Variants in ZFAT observed in about 807,000 individuals in gnomAD.
The protein encoded by ZFAT is zinc finger and AT-hook domain containing.
Under a neutral mutation model 117.7 loss-of-function variants are expected in ZFAT, and 64 were observed. That is an observed-to-expected ratio of 0.54 (90% CI 0.44 to 0.67). The LOEUF is 0.67. Among genes scored for constraint, ZFAT ranks in the 30% least tolerant of loss-of-function variants. The pLI, the probability that ZFAT is intolerant of heterozygous loss-of-function variation, is 0.00. For synonymous variants in ZFAT, 679 were observed against 615.0 expected (o/e 1.10, Z -1.54); for missense variants, 1,433 against 1,584.5 (o/e 0.90, Z 1.62).
At chr8:134,725,105 G>C in the ZFAT span, among the ~76,000 whole-genome samples, 4 of 152,198 alleles carry the variant, frequency 2.6e-5, no homozygotes, top group East Asian at 1.9e-4. Context: ...CACAGAGAAG[G>C]CTTCCCCAAC....
intron 15 of ZFAT, among the ~76,000 whole-genome samples, chr8:134,500,453 CAG>C (rs1238281486): frequency 6.6e-6 from 1 of 152,176 alleles, no homozygotes; most frequent in East Asian, 1.9e-4. Context: ...CATAATGAAA[CAG>C]AGAATAACCT....
intron 1 of ZFAT, among the ~76,000 whole-genome samples, chr8:134,678,913 C>A (rs908037731): frequency 5.3e-5 from 8 of 152,308 alleles, no homozygotes; most frequent in Non-Finnish European, 1.2e-4. Flanking sequence ...TGGATCCCTT[C>A]CTTACACCTT....
At chr8:134,680,706 T>C (rs1437101868) in intron 1 of ZFAT, among the ~76,000 whole-genome samples, 2 of 152,320 alleles carry the variant, frequency 1.3e-5, no homozygotes, top group East Asian at 3.9e-4. Context: ...AAGATGTAAC[T>C]ATTAGGTTGG....
chr8:134,658,964 C>T (rs779364796), intron 1 of ZFAT, among the ~76,000 whole-genome samples: 101 of 152,214 alleles, frequency 6.6e-4, no homozygotes, highest in Non-Finnish European at 1.1e-3. Context: ...ACTGACTCGG[C>T]GCAACTCTGC....
chr8:134,553,049 A>G (rs1362581099), intron 11 of ZFAT, among the ~76,000 whole-genome samples: 1 of 152,216 alleles, frequency 6.6e-6, no homozygotes, highest in Admixed American at 6.5e-5. Context: ...ATGAGGAAAG[A>G]ATGGTGGGGC....
At chr8:134,691,106 C>T (rs1833562694) in intron 1 of ZFAT, among the ~76,000 whole-genome samples, 1 of 152,242 alleles carries the variant, frequency 6.6e-6, no homozygotes, top group Admixed American at 6.5e-5. Context: ...CCTGGCCCTC[C>T]CCTCGATGCA....
At chr8:134,765,213 G>A in the ZFAT span, 1 of 152,108 alleles carries the variant, frequency 6.6e-6, no homozygotes. Flanking sequence ...ATTTTTAAAA[G>A]TAATAAATAC....
At chr8:134,774,077 C>T in the ZFAT span, among the ~76,000 whole-genome samples, 1 of 137,838 alleles carries the variant, frequency 7.3e-6, no homozygotes. Context: ...CTCACTGCAA[C>T]CTCTGCTTCC....
chr8:134,644,934 TAC>T (rs1830795268), intron 2 of ZFAT, among the ~76,000 whole-genome samples: 1 of 152,056 alleles, frequency 6.6e-6, no homozygotes, highest in Admixed American at 6.6e-5. Flanking sequence ...CACACCCATA[TAC>T]ACACATACCT....
chr8:134,669,138 AAAGTGACGGGGAG>A (rs1832418071), intron 1 of ZFAT, among the ~76,000 whole-genome samples: 1 of 152,242 alleles, frequency 6.6e-6, no homozygotes, highest in African/African-American at 2.4e-5. Flanking sequence ...GCTGTACCTG[AAAGTGACGGGGAG>A]AATGGAACCA....
Position 134,657,625 on chromosome 8 carries a change from C to G in ZFAT, c.132G>C (p.Glu44Asp). The change falls in exon 2 of 16, where the codon GAG becomes GAC. Residue 44 changes from glutamate (E) to aspartate (D), a missense_variant. Glu to Asp is a conservative substitution (Grantham distance 45, BLOSUM62 2). Coordinates refer to ENST00000377838, the MANE Select transcript of ZFAT (RefSeq NM_020863.4). The part of the protein sequence containing the change: ...KHMEEGVNVD[E>D]IIIPLRPLST... ...TCAGAGGCCTAAGGGGAATAATAAT[C>G]TCATCAACATTAACCCCTTCTTCCA... is the stretch of plus-strand genomic sequence containing the variant. 6.2e-7 allele frequency: 1 copy of G among 1,614,096 alleles called. No homozygotes were observed. The highest frequency in any genetic ancestry group is 8.5e-7 in the Non-Finnish European group (1 of 1,180,040).
At chr8:134,826,261 G>C in the ZFAT span, among the ~76,000 whole-genome samples, 1 of 152,106 alleles carries the variant, frequency 6.6e-6, no homozygotes, top group Non-Finnish European at 1.5e-5. Flanking sequence ...GCTCCAACTA[G>C]TCATTTTACA....
rs528680658 is a variant in ZFAT, at chr8:134,662,245, C to T, written c.20-4508G>A. 7.9e-5 allele frequency among the ~76,000 whole-genome samples: 12 copies of T among 152,254 alleles called. No homozygotes were observed. In the South Asian group the frequency reaches 2.3e-3, roughly 29 times the overall value. On this transcript the variant is annotated intron_variant, in intron 1 of 15. Transcript: ENST00000377838. The stretch of plus-strand genomic sequence containing the variant: ...TGAAGGCCCCACCCTCACGACCTGA[C>T]CACCTCCCAAAGGTCCCACCTGCTA...
At chr8:134,487,669 C>A (rs977071883) in intron 15 of ZFAT, among the ~76,000 whole-genome samples, 9 of 152,232 alleles carry the variant, frequency 5.9e-5, no homozygotes, top group African/African-American at 2.2e-4. Flanking sequence ...CGCCTCTGAA[C>A]TTCCAGCTGT....
chr8:134,499,677 G>A (rs895803976), intron 15 of ZFAT, among the ~76,000 whole-genome samples: 1 of 152,116 alleles, frequency 6.6e-6, no homozygotes, highest in East Asian at 1.9e-4. Flanking sequence ...TTTGGGAGGG[G>A]TGCGGTGGAG....
At chr8:134,684,800 G>T (rs1426341274) in intron 1 of ZFAT, among the ~76,000 whole-genome samples, 1 of 152,166 alleles carries the variant, frequency 6.6e-6, no homozygotes, top group Non-Finnish European at 1.5e-5. Context: ...AGTGTGGCAG[G>T]TGTGGGCAGC....
the ZFAT span, among the ~76,000 whole-genome samples, chr8:134,748,663 C>T: frequency 6.6e-6 from 1 of 152,218 alleles, no homozygotes; most frequent in Admixed American, 6.5e-5. Context: ...AGCAGGTTTA[C>T]TGATTCACAT....
chr8:134,692,230 C>T (rs145502922), intron 1 of ZFAT, among the ~76,000 whole-genome samples: 1 of 152,318 alleles, frequency 6.6e-6, no homozygotes, highest in East Asian at 1.9e-4. Flanking sequence ...GCCCCCAGTC[C>T]AATCCCCAGC....
chr8:134,592,692 A>C (rs1186026771), intron 7 of ZFAT, among the ~76,000 whole-genome samples: 3 of 152,202 alleles, frequency 2.0e-5, no homozygotes, highest in Non-Finnish European at 2.9e-5. Context: ...GCTATCATGC[A>C]ACTCAGCCTG....
Sources: allele counts gnomAD v4.1 joint callset (sites outside exome capture counted in the v4.1 genomes callset), GRCh38; gene constraint gnomAD v4.1.1; transcripts MANE v1.5; gene names NCBI Gene and HGNC (gene_info 2026-07-23, HGNC 2026-07-21).